The following PPHLN1 variants were observed in gnomAD, a reference collection of about 807,000 sequenced individuals.
The protein encoded by PPHLN1 is periphilin-1.
PPHLN1 carries 29 observed loss-of-function variants against 51.3 expected under a neutral mutation model. The observed-to-expected ratio is 0.57, with a 90% CI of 0.42 to 0.77. The LOEUF (loss-of-function observed/expected upper bound fraction) is 0.77. Ranked by LOEUF, PPHLN1 falls within the 30% of genes least tolerant of loss-of-function variation. PPHLN1 has a pLI of 0.00. For synonymous variants in PPHLN1, 147 were observed against 147.8 expected (o/e 0.99, Z 0.04); for missense variants, 436 against 438.4 (o/e 0.99, Z 0.05).
intron 9 of PPHLN1, among the ~76,000 whole-genome samples, chr12:42,405,518 T>C (rs1242223873): frequency 1.3e-5 from 2 of 152,256 alleles, no homozygotes; most frequent in Non-Finnish European, 2.9e-5. Flanking sequence ...GTCTGGTTTA[T>C]TGGGAGCTAA....
At chr12:42,435,261 T>C (rs1164511775) in intron 9 of PPHLN1, among the ~76,000 whole-genome samples, 1 of 152,232 alleles carries the variant, frequency 6.6e-6, no homozygotes, top group East Asian at 1.9e-4. Context: ...CTTTTTAGCA[T>C]GTCCTTAATT....
At chr12:42,437,641 A>G (rs1271339960) in intron 9 of PPHLN1, among the ~76,000 whole-genome samples, 1 of 152,172 alleles carries the variant, frequency 6.6e-6, no homozygotes, top group Non-Finnish European at 1.5e-5. Flanking sequence ...CATTACTGTG[A>G]TACACTTGTT....
chr12:42,420,245 TTAA>T (rs1415076251), intron 9 of PPHLN1, among the ~76,000 whole-genome samples: 1 of 152,218 alleles, frequency 6.6e-6, no homozygotes. Context: ...TTGCTTCATC[TTAA>T]TAATATACTT....
chr12:42,373,958 TGGG>T (rs1202125755), intron 4 of PPHLN1, among the ~76,000 whole-genome samples: 1 of 152,120 alleles, frequency 6.6e-6, no homozygotes, highest in Non-Finnish European at 1.5e-5. Context: ...TGTGTAGTGT[TGGG>T]GGGCATGTCC....
intron 9 of PPHLN1, among the ~76,000 whole-genome samples, chr12:42,425,741 G>A (rs1302641754): frequency 1.3e-5 from 2 of 152,114 alleles, no homozygotes; most frequent in East Asian, 3.8e-4. Flanking sequence ...GTGCATCATG[G>A]GTAACAAAAA....
chr12:42,387,339 T>C, intron 6 of PPHLN1, 117 bp from the exon 7 acceptor site: 9 of 1,074,394 alleles, frequency 8.4e-6, no homozygotes, highest in Non-Finnish European at 1.2e-5. Flanking sequence ...AATAATGTAA[T>C]GAAAAGTTTT....
At chr12:42,445,951 G>A (rs774229936), downstream of PPHLN1, 21 of 1,471,462 alleles carry the variant, frequency 1.4e-5, no homozygotes, top group Middle Eastern at 1.8e-4. Flanking sequence ...AAGAGGATAT[G>A]CTTGTGTTCA....
intron 2 of PPHLN1, among the ~76,000 whole-genome samples, chr12:42,348,862 C>T (rs1565781751): frequency 6.6e-6 from 1 of 151,564 alleles, no homozygotes. Flanking sequence ...ATTGAAATCT[C>T]TGTGAAAGGT....
chr12:42,417,326 A>G (rs1184863166), intron 9 of PPHLN1, among the ~76,000 whole-genome samples: 18 of 152,152 alleles, frequency 1.2e-4, no homozygotes, highest in Admixed American at 1.2e-3. Context: ...CTGAGATAGG[A>G]GGAAAGGAAA....
chr12:42,359,290 C>A (rs1261559875), intron 4 of PPHLN1: 1 of 152,128 alleles, frequency 6.6e-6, no homozygotes, highest in Non-Finnish European at 1.5e-5. Flanking sequence ...TATATTCATT[C>A]ATTTATTAAA....
chr12:42,352,556 C>A (rs775683817), intron 3 of PPHLN1, among the ~76,000 whole-genome samples: 1 of 151,486 alleles, frequency 6.6e-6, no homozygotes, highest in Non-Finnish European at 1.5e-5. Context: ...ATTACAGGCA[C>A]GTGCCACCGT....
At chr12:42,446,882 A>G (rs543257947), downstream of PPHLN1, 4 of 411,428 alleles carry the variant, frequency 9.7e-6, no homozygotes, top group Middle Eastern at 6.5e-4. Flanking sequence ...ATTTATCTAG[A>G]TAAGTTTGTT....
At chr12:42,442,506 C>CCGAATAAATACAAG (rs1352829212), downstream of PPHLN1, 7 of 1,256,894 alleles carry the variant, frequency 5.6e-6, no homozygotes, top group African/African-American at 1.5e-5. Flanking sequence ...TCTGTCTGTA[C>CCGAATAAATACAAG]CGAATAAATA....
At chr12:42,358,100 G>A (rs2074243065) in intron 4 of PPHLN1, among the ~76,000 whole-genome samples, 1 of 151,974 alleles carries the variant, frequency 6.6e-6, no homozygotes, top group African/African-American at 2.4e-5. Flanking sequence ...TTGTATATAT[G>A]TACTACATTT....
rs111890143 is a variant in PPHLN1, at chr12:42,365,681, T to C, written c.300-9182T>C. On this transcript the variant is annotated intron_variant, in intron 4 of 9. Coordinates refer to ENST00000358314, the MANE Select transcript of PPHLN1 (RefSeq NM_201439.2). Reference sequence around the variant, plus strand: ...GCCTTATGGGGTGTTAGTTCTTCCCTTCCTCCATTCTCCTGATGACTTTGC... The same window carrying C: ...GCCTTATGGGGTGTTAGTTCTTCCCCTCCTCCATTCTCCTGATGACTTTGC... Among the ~76,000 whole-genome samples the C allele has an allele frequency of 3.7e-3, 566 of 152,328 alleles. 4 individuals are homozygous for C. Among genetic ancestry groups the C allele is most frequent in the African/African-American group, 0.013 (532 of 41,562 alleles).
chr12:42,426,214 ACACAC>A (rs2081463065), intron 9 of PPHLN1, among the ~76,000 whole-genome samples: 1 of 110,208 alleles, frequency 9.1e-6, no homozygotes, highest in Non-Finnish European at 2.1e-5. Flanking sequence ...ACACACACAC[ACACAC>A]ACACACACAC....
chr12:42,355,540 C>T lies in PPHLN1; in HGVS notation c.299+318C>T, dbSNP rs890260043. The T allele has an allele frequency of 1.7e-5, 3 of 179,946 alleles. No homozygotes were observed. The Admixed American group carries it at 1.9e-4, about 11-fold the overall frequency. The allele number at this position is 179,946 out of a possible 1,614,324, so 11.1% of individuals were successfully genotyped here. A position where few individuals can be genotyped will look rare whatever the true frequency, so the allele number is the denominator to read the frequency against. On this transcript the variant is annotated intron_variant, in intron 4 of 9. Transcript: ENST00000358314. ...TCACTTGAGGTTAGGAGTTTGATAC[C>T]AGCCTGGCCAACATGGTGGAACCCT...
At chr12:42,354,595 C>T (rs1025966036) in intron 3 of PPHLN1, among the ~76,000 whole-genome samples, 2 of 152,040 alleles carry the variant, frequency 1.3e-5, no homozygotes, top group Non-Finnish European at 2.9e-5. Flanking sequence ...TCTTAGAGAA[C>T]AAAATGTGCT....
intron 9 of PPHLN1, among the ~76,000 whole-genome samples, chr12:42,416,327 T>C (rs1181359776): frequency 2.0e-5 from 3 of 152,236 alleles, no homozygotes; most frequent in African/African-American, 4.8e-5. Context: ...ACAGAAACTT[T>C]GTCTTGACTT....
Sources: allele counts gnomAD v4.1 joint callset (sites outside exome capture counted in the v4.1 genomes callset), GRCh38; gene constraint gnomAD v4.1.1; transcripts MANE v1.5; gene names NCBI Gene and HGNC (gene_info 2026-07-23, HGNC 2026-07-21).